Variants in VPS26C observed in about 807,000 individuals in gnomAD.
VPS26C encodes VPS26 endosomal protein sorting factor C, also known as vacuolar protein sorting-associated protein 26C.
In VPS26C, 19 loss-of-function variants were observed where a neutral mutation model predicts 30.6. The observed-to-expected ratio is 0.62, with a 90% CI of 0.43 to 0.91. The LOEUF (loss-of-function observed/expected upper bound fraction) is 0.91, where lower values mean the gene tolerates loss of function less well. Ranked by LOEUF, VPS26C falls within the 40% of genes least tolerant of loss-of-function variation. The pLI is 0.00. For missense variants in VPS26C, 318 were observed against 385.1 expected (o/e 0.83, Z 1.46); for synonymous variants, 132 against 151.5 (o/e 0.87, Z 0.95).
At chr21:37,238,678 T>A (rs2086050745) in intron 2 of VPS26C, 69 bp from the exon 3 acceptor site, 25 of 1,574,000 alleles carry the variant, frequency 1.6e-5, no homozygotes, top group Non-Finnish European at 2.2e-5. Context: ...ACTAATAACG[T>A]TCTGAAGGAC....
At chr21:37,232,324 G>T in intron 5 of VPS26C, 53 bp downstream of exon 5, 1 of 1,513,312 alleles carries the variant, frequency 6.6e-7, no homozygotes, top group Non-Finnish European at 9.2e-7. Context: ...TAGTCCGTGG[G>T]GTCTGGCTGC....
intron 1 of VPS26C, among the ~76,000 whole-genome samples, chr21:37,246,146 T>C (rs957501372): frequency 1.3e-5 from 2 of 151,904 alleles, no homozygotes; most frequent in Admixed American, 6.6e-5. Flanking sequence ...TCAAAAACAG[T>C]CAAGGGCAAA....
At chr21:37,238,265 C>T in intron 3 of VPS26C, 195 bp downstream of exon 3, 1 of 608,018 alleles carries the variant, frequency 1.6e-6, no homozygotes, top group Middle Eastern at 4.4e-4. Context: ...TTGAGGCTCC[C>T]ATCAGAAATA....
intron 1 of VPS26C, chr21:37,266,964 G>GA: frequency 6.0e-6 from 2 of 334,758 alleles, no homozygotes; most frequent in South Asian, 5.0e-5. Flanking sequence ...CAGATGGGAA[G>GA]AGCGCAGCCC....
At chr21:37,231,243 C>A (rs1300819370) in intron 5 of VPS26C, among the ~76,000 whole-genome samples, 3 of 152,116 alleles carry the variant, frequency 2.0e-5, no homozygotes, top group South Asian at 4.1e-4. Flanking sequence ...CAGAACCAAC[C>A]CCTGAGAAAC....
intron 1 of VPS26C, among the ~76,000 whole-genome samples, chr21:37,242,626 T>A (rs1253113820): frequency 6.6e-6 from 1 of 152,188 alleles, no homozygotes; most frequent in Non-Finnish European, 1.5e-5. Flanking sequence ...GTATATTTTT[T>A]AAAGTTTACT....
At chr21:37,251,956 T>C (rs1378068363) in intron 1 of VPS26C, among the ~76,000 whole-genome samples, 1 of 152,208 alleles carries the variant, frequency 6.6e-6, no homozygotes, top group African/African-American at 2.4e-5. Flanking sequence ...ATGCTTTTCC[T>C]TTCCAATGGT....
chr21:37,243,915 T>C (rs751702171), intron 1 of VPS26C, among the ~76,000 whole-genome samples: 12 of 152,222 alleles, frequency 7.9e-5, no homozygotes, highest in East Asian at 5.8e-4. Flanking sequence ...ACTGGGTCTG[T>C]ATCTTCTGGG....
Position 37,223,980 on chromosome 21 carries a change from C to G in VPS26C, c.*1564G>C, listed in dbSNP as rs1487493996. On this transcript the variant is annotated 3_prime_UTR_variant, in exon 8 of 8. Coordinates refer to ENST00000309117, the MANE Select transcript of VPS26C (RefSeq NM_006052.2). The stretch of plus-strand genomic sequence containing the variant: ...GAAGGAAGAAATGTATTGCAATAGT[C>G]CATATCCTTCGAACCACAAAGGGAG... The G allele has an allele frequency of 2.6e-5, 4 of 152,230 alleles. No homozygotes were observed. The highest frequency in any genetic ancestry group is 9.6e-5 in the African/African-American group (4 of 41,454). 9.4% of individuals were successfully genotyped at this position (152,230 alleles called of 1,614,324 possible). A position where few individuals can be genotyped will look rare whatever the true frequency, so the allele number is the denominator to read the frequency against.
intron 1 of VPS26C, among the ~76,000 whole-genome samples, chr21:37,260,586 C>T (rs1016621934): frequency 1.3e-5 from 2 of 152,126 alleles, no homozygotes; most frequent in African/African-American, 4.8e-5. Context: ...GAAGGTGCCC[C>T]AACAGCAATG....
chr21:37,266,789 T>C (rs183921666), intron 1 of VPS26C: 36 of 193,444 alleles, frequency 1.9e-4, no homozygotes, highest in Non-Finnish European at 2.1e-5. Flanking sequence ...CCGCCAGACA[T>C]ACCCATTTCT....
intron 1 of VPS26C, among the ~76,000 whole-genome samples, chr21:37,250,900 A>C (rs747583598): frequency 2.6e-4 from 17 of 65,934 alleles, no homozygotes; most frequent in Non-Finnish European, 5.0e-4. Flanking sequence ...ACTCCATTTC[A>C]AAAAAAAAAA....
intron 3 of VPS26C, among the ~76,000 whole-genome samples, chr21:37,235,871 ATATATATAT>A (rs1312091631): frequency 1.1e-3 from 48 of 44,906 alleles, no homozygotes; most frequent in African/African-American, 3.8e-3. Flanking sequence ...ATATATATAT[ATATATATAT>A]TTTTTTTTTT....
chr21:37,252,454 G>A (rs2086203236), intron 1 of VPS26C, among the ~76,000 whole-genome samples: 1 of 152,174 alleles, frequency 6.6e-6, no homozygotes, highest in Admixed American at 6.5e-5. Context: ...TTCCAGGAAA[G>A]AGAATTTTGC....
rs777710237 is a variant in VPS26C at position 37,238,517 on chromosome 21, G to A, written c.294C>T (p.His98=). ...KTEIPFEFPL[H]LKGNKVLYET... ...CATACAGAACTTTGTTACCCTTCAA[G>A]TGCAGAGGAAATTCAAAAGGGATTT... Residue 98 remains histidine (H), a synonymous_variant, in exon 3 of 8, where the codon CAC becomes CAT. Coordinates refer to ENST00000309117, the MANE Select transcript of VPS26C (RefSeq NM_006052.2). 3 of 1,614,050 alleles carry A rather than the reference G, an allele frequency of 1.9e-6. No homozygotes were observed. The highest frequency in any genetic ancestry group is 1.3e-5 in the African/African-American group (1 of 74,918).
chr21:37,237,060 C>T (rs1037287498), intron 3 of VPS26C, among the ~76,000 whole-genome samples: 1 of 152,146 alleles, frequency 6.6e-6, no homozygotes, highest in African/African-American at 2.4e-5. Context: ...GGATGACAAG[C>T]GTGAGCCACT....
intron 1 of VPS26C, among the ~76,000 whole-genome samples, chr21:37,244,843 CT>C (rs2086121244): frequency 6.6e-6 from 1 of 152,196 alleles, no homozygotes; most frequent in African/African-American, 2.4e-5. Flanking sequence ...TGCAAACGTG[CT>C]TCTTCTGGAA....
At chr21:37,267,206 C>CCCAACCA in intron 1 of VPS26C, 32 bp downstream of exon 1, 1 of 962,932 alleles carries the variant, frequency 1.0e-6, no homozygotes, top group Non-Finnish European at 1.7e-6. Flanking sequence ...CGCCCAACCC[C>CCCAACCA]ACCTCCATCC....
In VPS26C at chr21:37,224,602, C is replaced by T. The variant is rs2148278148; in HGVS notation, c.*942G>A. 2.6e-5 allele frequency: 4 copies of T among 152,354 alleles called. No homozygotes were observed. In the South Asian group the frequency reaches 8.3e-4, roughly 32 times the overall value. 9.4% of individuals were successfully genotyped at this position (152,354 alleles called of 1,614,324 possible). ...GGCAGTTCTTGAGACTTCAGAAACA[C>T]TTCGGCACCAGCCAAATCCCCCCAA... On this transcript the variant is annotated 3_prime_UTR_variant, in exon 8 of 8. Coordinates refer to ENST00000309117, the MANE Select transcript of VPS26C (RefSeq NM_006052.2).
Sources: allele counts gnomAD v4.1 joint callset (sites outside exome capture counted in the v4.1 genomes callset), GRCh38; gene constraint gnomAD v4.1.1; transcripts MANE v1.5; gene names NCBI Gene and HGNC (gene_info 2026-07-23, HGNC 2026-07-21).